The following RYR3 variants were observed in gnomAD, a reference collection of about 807,000 sequenced individuals.
The protein encoded by RYR3 is brain ryanodine receptor-calcium release channel.
In RYR3, 207 loss-of-function variants were observed where a neutral mutation model predicts 584.3. That is an observed-to-expected ratio of 0.35 (90% CI 0.32 to 0.40). The LOEUF (loss-of-function observed/expected upper bound fraction) is 0.40. RYR3 is among the 10% of genes least tolerant of loss of function. The pLI, the probability that RYR3 is intolerant of heterozygous loss-of-function variation, is 1.00. For missense variants in RYR3, 5,616 were observed against 6,089.2 expected (o/e 0.92, Z 2.59); for synonymous variants, 2,416 against 2,248.5 (o/e 1.07, Z -2.11).
Position 33,646,468 on chromosome 15 carries a change from G to A in RYR3, c.3883G>A (p.Glu1295Lys), listed in dbSNP as rs367661541. 11 of 1,613,796 alleles carry A rather than the reference G, an allele frequency of 6.8e-6. No homozygotes were observed. Among genetic ancestry groups the A allele is most frequent in the East Asian group, 2.2e-5 (1 of 44,888 alleles). ...CTATTGCCGCTTGAGCATGCCTGTC[G>A]AGTGCCACTCCTCCTTCAGCCACAG... ...MIYCRLSMPV[E>K]CHSSFSHSPC... Residue 1295 changes from glutamate (E) to lysine (K), a missense_variant, in exon 29 of 104, where the codon GAG becomes AAG. Glu to Lys is a moderately conservative substitution (Grantham distance 56). This residue lies in a region of RYR3 where 753 missense variants were observed against 741.0 expected (regional missense o/e 1.02). Transcript: ENST00000634891.
At position 33,664,670 on chromosome 15, in the gene RYR3, T is replaced by TC. The variant is rs1016205474; in HGVS notation, c.5619+937dup. ...AAATGTAGGTAATCTTTGCATCTCC[T>TC]CCCCAGGGTTCTTGCAAGGATCACG... is the stretch of plus-strand genomic sequence containing the variant. On this transcript the variant is annotated intron_variant, in intron 36 of 103. Transcript: ENST00000634891. Among the ~76,000 whole-genome samples the TC allele has an allele frequency of 4.7e-5, 7 of 147,510 alleles. No individual in the cohort carries two copies. In the Admixed American group the frequency reaches 4.8e-4, roughly 10 times the overall value.
rs2041916389 is a variant in RYR3, at chr15:33,390,387, G to C, written c.51+79291G>C. Among the ~76,000 whole-genome samples the C allele has an allele frequency of 6.6e-6, 1 of 152,204 alleles. No individual in the cohort carries two copies. The highest frequency in any genetic ancestry group is 1.5e-5 in the Non-Finnish European group (1 of 68,048). On this transcript the variant is annotated intron_variant, in intron 1 of 103. Transcript: ENST00000634891. The surrounding 1 kb of genome is among the most constrained non-coding windows in gnomAD (Gnocchi z 4.2). ...TTGAACACTAATATTTCCAAACACT[G>C]ATATTTCCAAACTGATATTTGCAGG... is the stretch of plus-strand genomic sequence containing the variant.
intron 38 of RYR3, among the ~76,000 whole-genome samples, chr15:33,683,150 A>G (rs985973588): frequency 4.6e-5 from 7 of 151,890 alleles, no homozygotes; most frequent in Non-Finnish European, 8.8e-5. Context: ...GCCTGCCACC[A>G]TGCCCGGCTA....
chr15:33,793,065 G>C (rs895450839), intron 67 of RYR3, among the ~76,000 whole-genome samples: 2 of 152,164 alleles, frequency 1.3e-5, no homozygotes, highest in African/African-American at 4.8e-5. Context: ...GACCTGGCTT[G>C]ATAATTCACT....
At chr15:33,834,285 A>AACACACACACACACACACAC (rs61059288) in intron 86 of RYR3, among the ~76,000 whole-genome samples, 10 of 136,946 alleles carry the variant, frequency 7.3e-5, no homozygotes, top group South Asian at 2.4e-4. Flanking sequence ...ATCTGTCTTA[A>AACACACACACACACACACAC]ACACACACAC....
At chr15:33,588,241 G>A (rs1468422650) in intron 16 of RYR3, among the ~76,000 whole-genome samples, 1 of 152,170 alleles carries the variant, frequency 6.6e-6, no homozygotes, top group African/African-American at 2.4e-5. Flanking sequence ...GTCCTTAGAC[G>A]TTAAGCAGTT....
chr15:33,413,152 C>A (rs954436330), intron 1 of RYR3, among the ~76,000 whole-genome samples: 4 of 152,160 alleles, frequency 2.6e-5, no homozygotes, highest in African/African-American at 9.7e-5. Flanking sequence ...TAGGAGAGGC[C>A]TTGTTATGCC....
At chr15:33,339,888 CAA>C (rs34401708) in intron 1 of RYR3, among the ~76,000 whole-genome samples, 54 of 135,488 alleles carry the variant, frequency 4.0e-4, no homozygotes, top group African/African-American at 7.7e-4. Context: ...GACTCCGTCT[CAA>C]AAAAAAAAAA....
At chr15:33,577,469 C>G (rs575969437) in intron 12 of RYR3, among the ~76,000 whole-genome samples, 131 of 152,296 alleles carry the variant, frequency 8.6e-4, no homozygotes, top group African/African-American at 3.0e-3. Context: ...GACCGCACAT[C>G]TACAACCATC....
intron 89 of RYR3, among the ~76,000 whole-genome samples, chr15:33,840,253 C>T (rs892312231): frequency 2.0e-5 from 3 of 152,162 alleles, no homozygotes; most frequent in Non-Finnish European, 4.4e-5. Context: ...GGAATTACTC[C>T]TGGAATGATC....
At chr15:33,835,406 C>G (rs1323117335) in intron 87 of RYR3, among the ~76,000 whole-genome samples, 1 of 152,178 alleles carries the variant, frequency 6.6e-6, no homozygotes, top group African/African-American at 2.4e-5. Context: ...ACTCTACCAG[C>G]CCCGTCTGAC....
intron 27 of RYR3, 25 bp from the exon 28 acceptor site, chr15:33,644,286 G>A: frequency 6.3e-7 from 1 of 1,586,882 alleles, no homozygotes. Context: ...TCGGGCTAAA[G>A]CAGGTCTCTC....
chr15:33,537,534 G>A (rs56362555), intron 5 of RYR3, among the ~76,000 whole-genome samples: 1 of 88,610 alleles, frequency 1.1e-5, no homozygotes, highest in African/African-American at 4.7e-5. Context: ...TTCTATATTG[G>A]AAATTTTTTT....
chr15:33,858,316 TG>T (rs988662840), intron 99 of RYR3: 36 of 177,448 alleles, frequency 2.0e-4, no homozygotes, highest in African/African-American at 8.5e-4. Flanking sequence ...GTGATTCTTC[TG>T]CCTCAGCCTC....
At position 33,586,237 on chromosome 15, in the gene RYR3, G is replaced by A. The variant is rs942132593; in HGVS notation, c.1788+121G>A. On this transcript the variant is annotated intron_variant, in intron 16 of 103. Transcript: ENST00000634891. ...TTCTTGACTTTGATAAAAATCTTGG[G>A]AAACTGGAAAAAAGACTTTCCCCGC... 31 of 676,820 alleles carry A rather than the reference G, an allele frequency of 4.6e-5. No homozygotes were observed. The Admixed American group carries it at 8.1e-4, about 18-fold the overall frequency. The allele number at this position is 676,820 out of a possible 1,614,324, so 41.9% of individuals were successfully genotyped here. A position where few individuals can be genotyped will look rare whatever the true frequency, so the allele number is the denominator to read the frequency against.
At chr15:33,463,308 C>T (rs2048196764) in intron 1 of RYR3, among the ~76,000 whole-genome samples, 1 of 152,136 alleles carries the variant, frequency 6.6e-6, no homozygotes, top group African/African-American at 2.4e-5. Context: ...TTCTTCCATT[C>T]ATTCTTCTCC....
At chr15:33,851,402 A>C (rs930888705) in intron 94 of RYR3, 9 of 152,122 alleles carry the variant, frequency 5.9e-5, no homozygotes, top group Non-Finnish European at 1.2e-4. Flanking sequence ...GTAGGTGTAT[A>C]GTGGCACCTC....
intron 38 of RYR3, among the ~76,000 whole-genome samples, chr15:33,695,193 C>T (rs928419628): frequency 2.6e-5 from 4 of 152,148 alleles, no homozygotes; most frequent in African/African-American, 4.8e-5. Context: ...GGGTAGGATG[C>T]ATTTGTGATT....
At position 33,527,138 on chromosome 15, in the gene RYR3, A is replaced by G. The variant is rs558658563; in HGVS notation, c.280-3454A>G. Reference sequence around the variant, plus strand: ...ATGAGGGAACCAGGTCATACAGGGCAGTGATATGCAAACTACAGCCAACAG... The same window carrying G: ...ATGAGGGAACCAGGTCATACAGGGCGGTGATATGCAAACTACAGCCAACAG... On this transcript the variant is annotated intron_variant, in intron 3 of 103. Transcript: ENST00000634891. Among the ~76,000 whole-genome samples, 204 of 152,294 alleles carry G rather than the reference A, an allele frequency of 1.3e-3. 1 individual carries two copies. The highest frequency in any genetic ancestry group is 4.8e-3 in the African/African-American group (198 of 41,550).
Sources: allele counts gnomAD v4.1 joint callset (sites outside exome capture counted in the v4.1 genomes callset), GRCh38; gene constraint gnomAD v4.1.1; regional missense constraint gnomAD v4.1.1; non-coding constraint Gnocchi (gnomAD v3.1); transcripts MANE v1.5; gene names NCBI Gene and HGNC (gene_info 2026-07-23, HGNC 2026-07-21).